Variants in CYFIP1 observed in about 807,000 individuals in gnomAD.
CYFIP1 encodes cytoplasmic FMR1 interacting protein 1, also known as cytoplasmic FMR1-interacting protein 1.
In CYFIP1, 58 loss-of-function variants were observed where a neutral mutation model predicts 163.5. The observed-to-expected ratio is 0.35, with a 90% CI of 0.29 to 0.44. The LOEUF (loss-of-function observed/expected upper bound fraction) is 0.44, where lower values mean the gene tolerates loss of function less well. Among genes scored for constraint, CYFIP1 ranks in the 20% least tolerant of loss-of-function variants. CYFIP1 has a pLI of 1.00. For missense variants in CYFIP1, 1,338 were observed against 1,653.8 expected (o/e 0.81, Z 3.31); for synonymous variants, 663 against 660.7 (o/e 1.00, Z -0.05).
intron 15 of CYFIP1, 57 bp from the exon 16 acceptor site, chr15:22,916,687 T>C (rs768391241): frequency 1.9e-6 from 3 of 1,614,100 alleles, no homozygotes; most frequent in Non-Finnish European, 2.5e-6. Flanking sequence ...ACATTAGTTA[T>C]GCCAAACTCA....
At chr15:22,926,343 G>A (rs2061357300) in intron 12 of CYFIP1, among the ~76,000 whole-genome samples, 1 of 152,114 alleles carries the variant, frequency 6.6e-6, no homozygotes, top group South Asian at 2.1e-4. Flanking sequence ...AGTGAGTGCT[G>A]AGTATCTAAG....
At position 22,917,806 on chromosome 15, in the gene CYFIP1, C is replaced by A; in HGVS notation, c.1656G>T (p.Val552=). 1 of 1,611,202 alleles carries A rather than the reference C, an allele frequency of 6.2e-7. No homozygotes were observed. The highest frequency in any genetic ancestry group is 8.5e-7 in the Non-Finnish European group (1 of 1,178,776). The change falls in exon 15 of 31, where the codon GTG becomes GTT. Residue 552 remains valine, a synonymous_variant. Transcript: ENST00000617928. This position sits in a 1 kb window ranked among gnomAD's most constrained non-coding sequence, Gnocchi z 4.2. ...GFDIKVPRRA[V]GPSSTQLYMV... ...CGAGAACCTGAGTGCTGGAGGGTCCCACGGCGCGGCGTGGTACTTTTATGT... is the reference window on the plus strand; with the variant it reads ...CGAGAACCTGAGTGCTGGAGGGTCCAACGGCGCGGCGTGGTACTTTTATGT...
chr15:22,964,547 G>A (rs1165051979), intron 1 of CYFIP1, among the ~76,000 whole-genome samples: 1 of 152,122 alleles, frequency 6.6e-6, no homozygotes, highest in East Asian at 1.9e-4. Context: ...CTGCCCGGCA[G>A]CTCCCCGGGG....
chr15:22,915,234 G>A (rs774563698), intron 16 of CYFIP1: 19 of 185,120 alleles, frequency 1.0e-4, no homozygotes, highest in Non-Finnish European at 2.0e-4. Context: ...GGGCTCAAGC[G>A]ATCCTCCTGC....
At chr15:22,949,230 G>A (rs1413800568) in intron 1 of CYFIP1, among the ~76,000 whole-genome samples, 1 of 151,426 alleles carries the variant, frequency 6.6e-6, no homozygotes, top group Non-Finnish European at 1.5e-5. Flanking sequence ...ATTCCCCCCG[G>A]GGACCAGGCA....
intron 28 of CYFIP1, among the ~76,000 whole-genome samples, chr15:22,874,082 G>A (rs1384348517): frequency 2.6e-5 from 4 of 152,320 alleles, no homozygotes; most frequent in South Asian, 2.1e-4. Context: ...GGCAGCTAGT[G>A]TGGAGGCCAG....
At chr15:22,892,753 C>T (rs1329206008) in intron 23 of CYFIP1, 137 bp downstream of exon 23, 1 of 667,868 alleles carries the variant, frequency 1.5e-6, no homozygotes, top group Non-Finnish European at 2.5e-6. Context: ...AAGATGTTAA[C>T]AGAATGGAAA....
chr15:22,868,086 C>G lies in CYFIP1; in HGVS notation c.*1942G>C, dbSNP rs2059262838. On this transcript the variant is annotated 3_prime_UTR_variant, in exon 31 of 31. Transcript: ENST00000617928. ...ACCCAGTGGTGCGCCAGCGCCAAGC[C>G]ATCACTCCCCGAGGGCCTCCCCTGC... The G allele has an allele frequency of 6.6e-6, 1 of 152,242 alleles. No individual in the cohort carries two copies. Among genetic ancestry groups the G allele is most frequent in the Non-Finnish European group, 1.5e-5 (1 of 68,060 alleles). 9.4% of individuals were successfully genotyped at this position (152,242 alleles called of 1,614,324 possible). A position where few individuals can be genotyped will look rare whatever the true frequency, so the allele number is the denominator to read the frequency against.
intron 12 of CYFIP1, 26 bp downstream of exon 12, chr15:22,927,880 G>T: frequency 6.3e-7 from 1 of 1,582,850 alleles, no homozygotes; most frequent in Admixed American, 1.9e-5. Context: ...CTTTGGAGCG[G>T]GGCTGGGGTC....
At chr15:22,880,735 C>T (rs1418521944) in intron 25 of CYFIP1, among the ~76,000 whole-genome samples, 3 of 152,172 alleles carry the variant, frequency 2.0e-5, no homozygotes, top group Non-Finnish European at 2.9e-5. Flanking sequence ...ACCCTTGTCC[C>T]AGCAGGTCTT....
At chr15:22,976,069 C>T (rs2140281984) in intron 1 of CYFIP1, among the ~76,000 whole-genome samples, 1 of 152,232 alleles carries the variant, frequency 6.6e-6, no homozygotes, top group Non-Finnish European at 1.5e-5. Flanking sequence ...CTCTCATCTT[C>T]AGCATACAGA....
In CYFIP1 at chr15:22,890,466, C is replaced by A. The variant is rs143181140; in HGVS notation, c.2676+2424G>T. ...CAGCTGTGGCGCACCCCTGCCCAGGCGTGCACCCCACCCTGCCCCACAGAG... is the reference window on the plus strand; with the variant it reads ...CAGCTGTGGCGCACCCCTGCCCAGGAGTGCACCCCACCCTGCCCCACAGAG... On this transcript the variant is annotated intron_variant, in intron 23 of 30. Coordinates refer to ENST00000617928, the MANE Select transcript of CYFIP1 (RefSeq NM_014608.6). Among the ~76,000 whole-genome samples the A allele has an allele frequency of 4.8e-3, 735 of 152,310 alleles. 2 individuals carry two copies. The highest frequency in any genetic ancestry group is 9.1e-3 in the South Asian group (44 of 4,826).
rs76279878 is a variant in CYFIP1, at chr15:22,872,021, C to A, written c.3597+804G>T. On this transcript the variant is annotated intron_variant, in intron 30 of 30. Transcript: ENST00000617928. ...AGAAAACTAATACAACAGGGCTGGGCGCGCCTGTAATCCTAGCACTTTGGG... is the reference window on the plus strand; with the variant it reads ...AGAAAACTAATACAACAGGGCTGGGAGCGCCTGTAATCCTAGCACTTTGGG... 0.033 allele frequency among the ~76,000 whole-genome samples: 4,990 copies of A among 152,118 alleles called. 358 individuals are homozygous for A. In the East Asian group the frequency reaches 0.35, roughly 11 times the overall value.
At chr15:22,954,576 C>T (rs1396277727) in intron 1 of CYFIP1, among the ~76,000 whole-genome samples, 2 of 152,180 alleles carry the variant, frequency 1.3e-5, no homozygotes, top group Non-Finnish European at 2.9e-5. Context: ...CCCCGGCCTC[C>T]CCAGGCGGCG....
intron 23 of CYFIP1, among the ~76,000 whole-genome samples, chr15:22,883,816 C>CAAA (rs34623284): frequency 4.0e-5 from 3 of 74,896 alleles, no homozygotes; most frequent in African/African-American, 4.7e-5. Context: ...GACTTCATCT[C>CAAA]AAAAAAAAAA....
In CYFIP1 at chr15:22,872,728, A is replaced by G. The variant is rs2059472736; in HGVS notation, c.3597+97T>C. 5 of 1,297,620 alleles carry G rather than the reference A, an allele frequency of 3.9e-6. No homozygotes were observed. The Admixed American group carries it at 9.8e-5, about 26-fold the overall frequency. 80.4% of individuals were successfully genotyped at this position (1,297,620 alleles called of 1,614,324 possible). A position where few individuals can be genotyped will look rare whatever the true frequency, so the allele number is the denominator to read the frequency against. ...TTCTGTTGGTGGCACCTTACGTACT[A>G]GGATGAAAAACATTGCCAGAAACAA... On this transcript the variant is annotated intron_variant, in intron 30 of 30. Transcript: ENST00000617928.
chr15:22,870,584 G>A (rs1431089992), intron 30 of CYFIP1, among the ~76,000 whole-genome samples: 2 of 152,144 alleles, frequency 1.3e-5, no homozygotes. Context: ...AAACTGTTGG[G>A]ATTACAGGTA....
chr15:22,920,928 A>G (rs891216144), intron 13 of CYFIP1, among the ~76,000 whole-genome samples: 1 of 152,210 alleles, frequency 6.6e-6, no homozygotes, highest in Non-Finnish European at 1.5e-5. Context: ...CACTTACAGG[A>G]AGAAGGAAAA....
At chr15:22,919,247 G>A (rs1238187351) in intron 13 of CYFIP1, among the ~76,000 whole-genome samples, 2 of 152,124 alleles carry the variant, frequency 1.3e-5, no homozygotes, top group African/African-American at 4.8e-5. Flanking sequence ...CACAACAAAG[G>A]CGCAGTGAAC....
Sources: allele counts gnomAD v4.1 joint callset (sites outside exome capture counted in the v4.1 genomes callset), GRCh38; gene constraint gnomAD v4.1.1; non-coding constraint Gnocchi (gnomAD v3.1); transcripts MANE v1.5; gene names NCBI Gene and HGNC (gene_info 2026-07-23, HGNC 2026-07-21).